The following PHACTR3 variants were observed in gnomAD, a reference collection of about 807,000 sequenced individuals.
PHACTR3 encodes phosphatase and actin regulator 3.
PHACTR3 carries 16 observed loss-of-function variants against 66.8 expected under a neutral mutation model. That is an observed-to-expected ratio of 0.24 (90% CI 0.16 to 0.36). The LOEUF (loss-of-function observed/expected upper bound fraction) is 0.36, where lower values mean the gene tolerates loss of function less well. Ranked by LOEUF, PHACTR3 falls within the 10% of genes least tolerant of loss-of-function variation. The pLI, the probability that PHACTR3 is intolerant of heterozygous loss-of-function variation, is 1.00. For synonymous variants in PHACTR3, 323 were observed against 292.1 expected, an observed-to-expected ratio of 1.11 and a Z score of -1.08; for missense variants, 647 against 719.9, an observed-to-expected ratio of 0.90 and a Z score of 1.16.
chr20:59,692,468 C>T (rs2037145981), intron 1 of PHACTR3, among the ~76,000 whole-genome samples: 2 of 152,286 alleles, frequency 1.3e-5, no homozygotes, highest in Admixed American at 6.5e-5. Context: ...CTGTCATGGT[C>T]TCTGTGACCT....
At chr20:59,733,966 T>A (rs2038856188) in intron 1 of PHACTR3, among the ~76,000 whole-genome samples, 1 of 152,026 alleles carries the variant, frequency 6.6e-6, no homozygotes, top group Non-Finnish European at 1.5e-5. Context: ...GCCTTCAGCC[T>A]TGTTCCCCCT....
At chr20:59,786,372 A>T (rs565148007) in intron 7 of PHACTR3, among the ~76,000 whole-genome samples, 5 of 152,172 alleles carry the variant, frequency 3.3e-5, no homozygotes, top group African/African-American at 1.2e-4. Context: ...TGACAACTCA[A>T]TGATGTGAGA....
chr20:59,727,209 C>T (rs1013930662), intron 1 of PHACTR3, among the ~76,000 whole-genome samples: 3 of 152,084 alleles, frequency 2.0e-5, no homozygotes, highest in African/African-American at 7.2e-5. Context: ...CTTTTGTGGC[C>T]GGCTGTCCCC....
chr20:59,756,714 G>A (rs1318215142), intron 4 of PHACTR3, among the ~76,000 whole-genome samples: 1 of 151,890 alleles, frequency 6.6e-6, no homozygotes, highest in South Asian at 2.1e-4. Context: ...GGGTACATGT[G>A]CACAACGTGC....
At chr20:59,703,896 G>T (rs1421014364) in intron 1 of PHACTR3, among the ~76,000 whole-genome samples, 1 of 152,158 alleles carries the variant, frequency 6.6e-6, no homozygotes, top group Non-Finnish European at 1.5e-5. Context: ...ATTTGATTTT[G>T]TGTCCCTCCA....
At chr20:59,734,432 C>A (rs917806905) in intron 1 of PHACTR3, among the ~76,000 whole-genome samples, 3 of 151,626 alleles carry the variant, frequency 2.0e-5, no homozygotes, top group African/African-American at 7.3e-5. Flanking sequence ...TTTTTTCCTT[C>A]GTTTTTGTAG....
intron 1 of PHACTR3, among the ~76,000 whole-genome samples, chr20:59,579,046 G>A (rs2032794363): frequency 6.6e-6 from 1 of 152,198 alleles, no homozygotes; most frequent in East Asian, 1.9e-4. Flanking sequence ...GCCCACAAGT[G>A]TCAGTGCCCT....
chr20:59,695,114 G>T (rs1360792323), intron 1 of PHACTR3, among the ~76,000 whole-genome samples: 1 of 152,102 alleles, frequency 6.6e-6, no homozygotes, highest in Non-Finnish European at 1.5e-5. Context: ...TTGACATCCT[G>T]GCTGAGTTTA....
chr20:59,610,538 A>G (rs1191589335), intron 1 of PHACTR3, among the ~76,000 whole-genome samples: 1 of 152,258 alleles, frequency 6.6e-6, no homozygotes, highest in Non-Finnish European at 1.5e-5. Flanking sequence ...TACAGTAGCC[A>G]CTAACTACAT....
At chr20:59,694,572 G>C (rs1232082273) in intron 1 of PHACTR3, among the ~76,000 whole-genome samples, 1 of 151,994 alleles carries the variant, frequency 6.6e-6, no homozygotes, top group African/African-American at 2.4e-5. Flanking sequence ...GAAAGAAGGA[G>C]GTGAAGAGAT....
At chr20:59,804,602 C>G (rs1187416558) in intron 7 of PHACTR3, among the ~76,000 whole-genome samples, 3 of 152,184 alleles carry the variant, frequency 2.0e-5, no homozygotes, top group Non-Finnish European at 2.9e-5. Context: ...TGAAAAATGC[C>G]TGCAACTCCT....
intron 1 of PHACTR3, among the ~76,000 whole-genome samples, chr20:59,598,140 C>A (rs954860187): frequency 6.6e-6 from 1 of 152,170 alleles, no homozygotes; most frequent in Non-Finnish European, 1.5e-5. Flanking sequence ...CCTTCCCTGT[C>A]GAAAGCCTCC....
chr20:59,836,544 A>G lies in PHACTR3; in HGVS notation c.1368A>G (p.Arg456=), dbSNP rs1281179528. ...GACCTGCCGTGGAAGAGCTGGAGAG[A>G]AGAAATATCTTGAAACGTGAGTAGC... is the stretch of plus-strand genomic sequence containing the variant. ...SQRPAVEELE[R]RNILKQRNDQ... The change falls in exon 9 of 13, where the codon AGA becomes AGG. Residue 456 remains arginine (R), a synonymous_variant. Transcript: ENST00000371015. 2 of 1,611,478 alleles carry G rather than the reference A, an allele frequency of 1.2e-6. No homozygotes were observed.
chr20:59,841,572 GATATA>G (rs778983315), intron 11 of PHACTR3, 37 bp downstream of exon 11: 18 of 1,583,958 alleles, frequency 1.1e-5, no homozygotes, highest in Admixed American at 5.5e-5. Context: ...GGTGTTGGAT[GATATA>G]ATAAAGGCAA....
At chr20:59,741,042 G>A (rs1388027025) in intron 1 of PHACTR3, among the ~76,000 whole-genome samples, 1 of 152,226 alleles carries the variant, frequency 6.6e-6, no homozygotes, top group Non-Finnish European at 1.5e-5. Context: ...TTGGACACTG[G>A]TAATGCCCCT....
intron 1 of PHACTR3, among the ~76,000 whole-genome samples, chr20:59,712,249 C>T (rs1000839933): frequency 2.6e-5 from 4 of 152,048 alleles, no homozygotes; most frequent in Non-Finnish European, 5.9e-5. Flanking sequence ...TGACTTTTCC[C>T]CAAATATCTG....
intron 1 of PHACTR3, among the ~76,000 whole-genome samples, chr20:59,699,895 G>A (rs1255483302): frequency 8.5e-5 from 13 of 152,168 alleles, no homozygotes. Flanking sequence ...CTGGGAGGTG[G>A]AAGTTGCAGT....
chr20:59,634,909 G>C (rs1049454445), intron 1 of PHACTR3, among the ~76,000 whole-genome samples: 2 of 152,198 alleles, frequency 1.3e-5, no homozygotes, highest in South Asian at 4.2e-4. Flanking sequence ...AGCCACCTGT[G>C]GCTAATGGCA....
chr20:59,578,453 C>A (rs1272452895), intron 1 of PHACTR3, among the ~76,000 whole-genome samples: 1 of 152,202 alleles, frequency 6.6e-6, no homozygotes, highest in Admixed American at 6.5e-5. Context: ...CCCAGGCCTG[C>A]CCCTTGCAAT....
Sources: gnomAD v4.1 joint callset for allele counts (sites outside exome capture counted in the v4.1 genomes callset) on GRCh38, gnomAD v4.1.1 for gene constraint, MANE v1.5 for transcripts, NCBI Gene and HGNC (gene_info 2026-07-23, HGNC 2026-07-21) for gene names.